Variants in PRKN observed in about 807,000 individuals in gnomAD.
PRKN encodes parkin RBR E3 ubiquitin protein ligase.
A neutral mutation model predicts 59.5 loss-of-function variants in PRKN; 56 were observed. The ratio of observed to expected loss-of-function variants is 0.94; its 90% CI spans 0.76 to 1.18. The LOEUF (loss-of-function observed/expected upper bound fraction) is 1.18, where lower values mean the gene tolerates loss of function less well. Among genes scored for constraint, PRKN ranks in the 50% most tolerant of loss-of-function variants. PRKN has a pLI of 0.00. For synonymous variants in PRKN, 250 were observed against 222.1 expected, an observed-to-expected ratio of 1.13 and a Z score of -1.12; for missense variants, 657 against 596.4, an observed-to-expected ratio of 1.10 and a Z score of -1.06.
chr6:161,689,853 T>C (rs1451445596), intron 7 of PRKN, among the ~76,000 whole-genome samples: 1 of 152,082 alleles, frequency 6.6e-6, no homozygotes, highest in Admixed American at 6.5e-5. Context: ...TGGGATTACA[T>C]ACAGGTGCCA....
intron 1 of PRKN, among the ~76,000 whole-genome samples, chr6:162,580,564 CAG>C (rs1780750768): frequency 8.1e-6 from 1 of 123,556 alleles, no homozygotes. Context: ...CAATGGCAAA[CAG>C]AGAAAAAAAA....
chr6:162,569,055 A>C (rs1780204625), intron 1 of PRKN: 2 of 685,302 alleles, frequency 2.9e-6, no homozygotes, highest in East Asian at 5.2e-5. Context: ...GCTGTCCAGG[A>C]CAACAGCCAC....
intron 5 of PRKN, among the ~76,000 whole-genome samples, chr6:162,019,284 T>C (rs535072314): frequency 5.4e-4 from 83 of 152,296 alleles, no homozygotes; most frequent in African/African-American, 1.9e-3. Context: ...TGCCTGTGTG[T>C]TGAATAAGTA....
Position 161,961,851 on chromosome 6 carries a change from C to T in PRKN, c.734+11451G>A, listed in dbSNP as rs144895329. ...AAAGATCTCAAATGCCTGCATGAGACTGCGTTGCCTGTGATACTGATATAA... is the reference window on the plus strand; with the variant it reads ...AAAGATCTCAAATGCCTGCATGAGATTGCGTTGCCTGTGATACTGATATAA... On this transcript the variant is annotated intron_variant, in intron 6 of 11. Transcript: ENST00000366898. 1.9e-3 allele frequency among the ~76,000 whole-genome samples: 286 copies of T among 152,288 alleles called. 1 individual carries two copies. The highest frequency in any genetic ancestry group is 6.4e-3 in the African/African-American group (264 of 41,562).
intron 6 of PRKN, among the ~76,000 whole-genome samples, chr6:161,816,321 A>G (rs1791778668): frequency 6.6e-6 from 1 of 152,114 alleles, no homozygotes. Flanking sequence ...ATGGGGACAG[A>G]GAACAGATCA....
At chr6:162,018,224 C>T (rs1236508154) in intron 5 of PRKN, among the ~76,000 whole-genome samples, 3 of 152,104 alleles carry the variant, frequency 2.0e-5, no homozygotes, top group Non-Finnish European at 4.4e-5. Context: ...GATGGGGTTT[C>T]ATCGTGTTAG....
rs1246187517 is a variant in PRKN at position 161,393,936 on chromosome 6, C to A, written c.1084-7059G>T. Among the ~76,000 whole-genome samples the A allele has an allele frequency of 1.7e-4, 26 of 152,272 alleles. No homozygotes were observed. Among genetic ancestry groups the A allele is most frequent in the African/African-American group, 6.0e-4 (25 of 41,566 alleles). On this transcript the variant is annotated intron_variant, in intron 9 of 11. Transcript: ENST00000366898. The surrounding 1 kb of genome is among the most constrained non-coding windows in gnomAD (Gnocchi z 4.7). ...AGGCAAACATCAAAGGCATGAAGCA[C>A]ACATTTGTACTTCTTTGGGAATAGA...
intron 7 of PRKN, among the ~76,000 whole-genome samples, chr6:161,687,786 T>A (rs899333494): frequency 6.6e-6 from 1 of 152,098 alleles, no homozygotes; most frequent in Admixed American, 6.5e-5. Flanking sequence ...ATATTAAACA[T>A]GTTTTCCTGT....
At position 161,379,868 on chromosome 6, in the gene PRKN, C is replaced by T. The variant is rs927287309; in HGVS notation, c.1167+6926G>A. 9.9e-5 allele frequency among the ~76,000 whole-genome samples: 15 copies of T among 152,202 alleles called. No homozygotes were observed. The highest frequency in any genetic ancestry group is 1.0e-4 in the Non-Finnish European group (7 of 68,034). On this transcript the variant is annotated intron_variant, in intron 10 of 11. Coordinates refer to ENST00000366898, the MANE Select transcript of PRKN (RefSeq NM_004562.3). The surrounding 1 kb of genome is among the most constrained non-coding windows in gnomAD (Gnocchi z 4.9). Reference sequence around the variant, plus strand: ...ATCTCAAGCAGCTCAGGGTTTTCTTCCTGGAAAACATGTACTATTACAATT... The same window carrying T: ...ATCTCAAGCAGCTCAGGGTTTTCTTTCTGGAAAACATGTACTATTACAATT...
At chr6:162,524,827 T>C (rs1338159558) in intron 1 of PRKN, among the ~76,000 whole-genome samples, 1 of 152,206 alleles carries the variant, frequency 6.6e-6, no homozygotes, top group Non-Finnish European at 1.5e-5. Context: ...AATCATTTTA[T>C]GAAGGTTTTT....
At chr6:162,639,031 T>C (rs1176233370) in intron 1 of PRKN, among the ~76,000 whole-genome samples, 1 of 152,168 alleles carries the variant, frequency 6.6e-6, no homozygotes, top group African/African-American at 2.4e-5. Context: ...TCTGTGACTT[T>C]GGCCACTATA....
intron 9 of PRKN, among the ~76,000 whole-genome samples, chr6:161,494,320 C>T (rs1777663827): frequency 6.6e-6 from 1 of 152,184 alleles, no homozygotes; most frequent in Admixed American, 6.5e-5. Context: ...GGTCAATATA[C>T]TTGACTACTT....
rs1784815760 is a variant in PRKN at position 161,357,731 on chromosome 6, A to T, written c.1285+2357T>A. Among the ~76,000 whole-genome samples, 2 of 152,216 alleles carry T rather than the reference A, an allele frequency of 1.3e-5. No individual in the cohort carries two copies. The highest frequency in any genetic ancestry group is 4.1e-4 in the South Asian group (2 of 4,836). On this transcript the variant is annotated intron_variant, in intron 11 of 11. Coordinates refer to ENST00000366898, the MANE Select transcript of PRKN (RefSeq NM_004562.3). The surrounding 1 kb of genome is among the most constrained non-coding windows in gnomAD (Gnocchi z 5.5). ...CACACACATTTGTTTCAAAACAGAC[A>T]TATGTGCCACTTGCTTTGAAATTCT...
intron 2 of PRKN, among the ~76,000 whole-genome samples, chr6:162,328,056 T>C (rs1783380276): frequency 7.0e-6 from 1 of 142,544 alleles, no homozygotes; most frequent in Non-Finnish European, 1.6e-5. Context: ...AAAAAAGAAA[T>C]TGTTCCTCAA....
intron 6 of PRKN, among the ~76,000 whole-genome samples, chr6:161,908,502 T>C (rs1272090061): frequency 6.6e-6 from 1 of 152,152 alleles, no homozygotes; most frequent in Non-Finnish European, 1.5e-5. Flanking sequence ...ACAGGTAGAG[T>C]AAAATGGTCT....
intron 5 of PRKN, among the ~76,000 whole-genome samples, chr6:162,029,106 G>A (rs1783544567): frequency 1.3e-5 from 2 of 152,044 alleles, no homozygotes; most frequent in African/African-American, 4.8e-5. Flanking sequence ...CCAGTTATTT[G>A]CCCTGCCCTT....
At chr6:162,474,202 T>C (rs1791893111) in intron 1 of PRKN, among the ~76,000 whole-genome samples, 1 of 152,204 alleles carries the variant, frequency 6.6e-6, no homozygotes, top group Non-Finnish European at 1.5e-5. Context: ...CACGTTAAAC[T>C]AATGTTAAGA....
chr6:161,891,327 C>A (rs1166688483), intron 6 of PRKN, among the ~76,000 whole-genome samples: 1 of 152,164 alleles, frequency 6.6e-6, no homozygotes, highest in Non-Finnish European at 1.5e-5. Flanking sequence ...AACAATCTTA[C>A]CATAAAAGTG....
intron 3 of PRKN, among the ~76,000 whole-genome samples, chr6:162,207,947 C>T (rs1397355128): frequency 6.6e-6 from 1 of 152,298 alleles, no homozygotes; most frequent in South Asian, 2.1e-4. Flanking sequence ...CATGATCATT[C>T]AATATCTAGA....
Sources: gnomAD v4.1 joint callset for allele counts (sites outside exome capture counted in the v4.1 genomes callset) on GRCh38, gnomAD v4.1.1 for gene constraint, Gnocchi (gnomAD v3.1) non-coding constraint, MANE v1.5 for transcripts, NCBI Gene and HGNC (gene_info 2026-07-23, HGNC 2026-07-21) for gene names.